The following MIB1 variants were observed in gnomAD, a reference collection of about 807,000 sequenced individuals.
The protein encoded by MIB1 is MIB E3 ubiquitin protein ligase 1, also known as E3 ubiquitin-protein ligase MIB1.
Under a neutral mutation model 124.5 loss-of-function variants are expected in MIB1, and 278 were observed. The ratio of observed to expected loss-of-function variants is 2.23; its 90% CI spans 2.02 to 2.47. The LOEUF (loss-of-function observed/expected upper bound fraction) is 2.47. MIB1 is among the 30% of genes most tolerant of loss of function. MIB1 has a pLI of 0.00. For missense variants in MIB1, 957 were observed against 1,254.4 expected, an observed-to-expected ratio of 0.76 and a Z score of 3.58; for synonymous variants, 446 against 429.4, an observed-to-expected ratio of 1.04 and a Z score of -0.48.
chr18:21,770,169 A>C (rs1246994635), intron 3 of MIB1, among the ~76,000 whole-genome samples: 1 of 152,216 alleles, frequency 6.6e-6, no homozygotes, highest in Non-Finnish European at 1.5e-5. Context: ...GTGCCACTGC[A>C]CTCCACCCTG....
Position 21,870,020 on chromosome 18 carries a change from A to G in MIB1, c.*5354A>G, listed in dbSNP as rs1051224850. On this transcript the variant is annotated 3_prime_UTR_variant, in exon 21 of 21. Coordinates refer to ENST00000261537, the MANE Select transcript of MIB1 (RefSeq NM_020774.4). Reference sequence around the variant, plus strand: ...ATTTTTTCTAATTCTTTAGCTTTCAATATTGGATTAAAGTCTTGTTTGTGA... The same window carrying G: ...ATTTTTTCTAATTCTTTAGCTTTCAGTATTGGATTAAAGTCTTGTTTGTGA... The G allele has an allele frequency of 6.6e-6, 1 of 152,496 alleles. No homozygotes were observed. Among genetic ancestry groups the G allele is most frequent in the South Asian group, 2.1e-4 (1 of 4,836 alleles). 9.4% of individuals were successfully genotyped at this position (152,496 alleles called of 1,614,324 possible).
intron 10 of MIB1, among the ~76,000 whole-genome samples, chr18:21,815,051 ATAT>A (rs1568212979): frequency 1.5e-5 from 2 of 131,092 alleles, no homozygotes; most frequent in Non-Finnish European, 3.2e-5. Flanking sequence ...ATATATATAT[ATAT>A]ATAAAATTAT....
chr18:21,735,920 T>C (rs1213430940), upstream of MIB1, among the ~76,000 whole-genome samples: 1 of 152,202 alleles, frequency 6.6e-6, no homozygotes, highest in Admixed American at 6.5e-5. Context: ...GGACAGAGTA[T>C]CTGGGGGAAG....
intron 4 of MIB1, among the ~76,000 whole-genome samples, chr18:21,776,718 T>C (rs140693287): frequency 4.7e-4 from 71 of 152,318 alleles, no homozygotes; most frequent in African/African-American, 1.7e-3. Context: ...GTGCAGTGGC[T>C]CACGCTTGTA....
chr18:21,808,215 C>G (rs2041730441), intron 10 of MIB1, among the ~76,000 whole-genome samples: 1 of 152,116 alleles, frequency 6.6e-6, no homozygotes, highest in African/African-American at 2.4e-5. Flanking sequence ...CTAGTTATCT[C>G]ATTTGGTAAC....
chr18:21,791,287 C>A, intron 6 of MIB1, 87 bp from the exon 7 acceptor site: 1 of 1,063,150 alleles, frequency 9.4e-7, no homozygotes, highest in Non-Finnish European at 1.3e-6. Context: ...AAAGGATTGC[C>A]TTACTCTTTT....
rs180704541 is a variant in MIB1, at chr18:21,760,590, A to G, written c.230-5182A>G. The stretch of plus-strand genomic sequence containing the variant: ...TTTTCCTGAGGTATTCTTTAAAACC[A>G]TGAATTATAGAATTTTTTTAACCAG... On this transcript the variant is annotated intron_variant, in intron 1 of 20. Coordinates refer to ENST00000261537, the MANE Select transcript of MIB1 (RefSeq NM_020774.4). 2.6e-5 allele frequency among the ~76,000 whole-genome samples: 4 copies of G among 152,340 alleles called. No individual in the cohort carries two copies. The East Asian group carries it at 7.7e-4, about 29-fold the overall frequency.
intron 1 of MIB1, among the ~76,000 whole-genome samples, chr18:21,711,480 A>G (rs2040665320): frequency 1.3e-5 from 2 of 151,564 alleles, no homozygotes; most frequent in South Asian, 4.2e-4. Flanking sequence ...GATGAGTTTC[A>G]CCATATTGGC....
At chr18:21,721,352 T>C (rs1308933234) in intron 1 of MIB1, among the ~76,000 whole-genome samples, 8 of 151,760 alleles carry the variant, frequency 5.3e-5, no homozygotes, top group Non-Finnish European at 1.5e-5. Flanking sequence ...AGCTAATTTT[T>C]GTATTTTTAG....
At chr18:21,764,293 G>A (rs764982639) in intron 1 of MIB1, among the ~76,000 whole-genome samples, 2 of 150,982 alleles carry the variant, frequency 1.3e-5, no homozygotes, top group Non-Finnish European at 2.9e-5. Context: ...CCTGATCCTT[G>A]CCCCTCCCCT....
In MIB1 at chr18:21,844,091, G is replaced by C. The variant is rs769200141; in HGVS notation, c.2050-1G>C. 1.2e-6 allele frequency: 2 copies of C among 1,613,408 alleles called. No individual in the cohort carries two copies. The highest frequency in any genetic ancestry group is 1.7e-6 in the Non-Finnish European group (2 of 1,179,838). ...CAAAATGAGACATCTTTCTCTTTTA[G>C]CTTTTGGTCCGTGCAGGTGCCAAGC... is the stretch of plus-strand genomic sequence containing the variant. On this transcript the variant is annotated splice_acceptor_variant, in intron 14 of 20. Coordinates refer to ENST00000261537, the MANE Select transcript of MIB1 (RefSeq NM_020774.4). LOFTEE classifies it high-confidence loss of function.
At chr18:21,721,173 T>G (rs1172941975) in intron 1 of MIB1, among the ~76,000 whole-genome samples, 28 of 104,160 alleles carry the variant, frequency 2.7e-4, no homozygotes, top group Non-Finnish European at 4.4e-4. Flanking sequence ...TTTTTTTTTT[T>G]TTTTTTTTTT....
rs1250206914 is a variant in MIB1, at chr18:21,815,787, G to A, written c.1651G>A (p.Asp551Asn). ...GHLQVVKTLL[D>N]FGCHPSLQDS... Reference sequence around the variant, plus strand: ...TCTTCAAGTTGTGAAGACTTTATTGGACTTTGGCTGTCATCCCAGTCTCCA... The same window carrying A: ...TCTTCAAGTTGTGAAGACTTTATTGAACTTTGGCTGTCATCCCAGTCTCCA... Residue 551 changes from aspartate to asparagine, a missense_variant, in exon 11 of 21, where the codon GAC (aspartate) becomes AAC (asparagine). Coordinates refer to ENST00000261537, the MANE Select transcript of MIB1 (RefSeq NM_020774.4). 6.2e-7 allele frequency: 1 copy of A among 1,613,978 alleles called. No individual in the cohort carries two copies. The highest frequency in any genetic ancestry group is 2.2e-5 in the East Asian group (1 of 44,896).
chr18:21,773,678 C>G lies in MIB1; in HGVS notation c.586C>G (p.Leu196Val), dbSNP rs746118267. The G allele has an allele frequency of 5.0e-6, 8 of 1,609,050 alleles. No individual in the cohort carries two copies. The highest frequency in any genetic ancestry group is 3.3e-5 in the South Asian group (3 of 90,050). The change falls in exon 4 of 21, where the codon CTC becomes GTC. Residue 196 changes from leucine to valine, a missense_variant. Transcript: ENST00000261537. ...ASSPHSAAYV[L>V]WDNGAKNLYR... ...AAGCCCACATAGCGCAGCATATGTC[C>G]TCTGGGATAATGGTGCTAAGAACCT... is the stretch of plus-strand genomic sequence containing the variant.
At chr18:21,763,963 C>G (rs930795498) in intron 1 of MIB1, among the ~76,000 whole-genome samples, 20 of 151,396 alleles carry the variant, frequency 1.3e-4, no homozygotes, top group African/African-American at 4.9e-4. Context: ...GAGTTAGAGT[C>G]TTAGTTGCCC....
Position 21,768,515 on chromosome 18 carries a change from G to A in MIB1, c.402-108G>A, listed in dbSNP as rs965059408. ...CTATTATGGTAGTAACCAGAACAAT[G>A]AAGAATCTTTTTACTTTCAAAATAA... On this transcript the variant is annotated intron_variant, in intron 2 of 20. Transcript: ENST00000261537. The A allele has an allele frequency of 1.0e-4, 81 of 778,584 alleles. No homozygotes were observed. The South Asian group carries it at 1.4e-3, about 13-fold the overall frequency. The allele number at this position is 778,584 out of a possible 1,614,324, so 48.2% of individuals were successfully genotyped here.
chr18:21,710,406 A>G (rs2146351933), intron 1 of MIB1, among the ~76,000 whole-genome samples: 1 of 152,116 alleles, frequency 6.6e-6, no homozygotes, highest in East Asian at 1.9e-4. Flanking sequence ...GAAATACTTT[A>G]TTGGATAAAT....
intron 1 of MIB1, among the ~76,000 whole-genome samples, chr18:21,720,722 GTAAATT>G (rs2040710620): frequency 6.6e-6 from 1 of 152,168 alleles, no homozygotes; most frequent in African/African-American, 2.4e-5. Flanking sequence ...GCTGAGAGGG[GTAAATT>G]GCTTGAGGCC....
intron 12 of MIB1, among the ~76,000 whole-genome samples, chr18:21,832,870 C>T (rs1314757727): frequency 6.6e-6 from 1 of 152,140 alleles, no homozygotes; most frequent in East Asian, 1.9e-4. Flanking sequence ...TTCTCAAGTA[C>T]CCCATTTTGT....
Sources: allele counts gnomAD v4.1 joint callset (sites outside exome capture counted in the v4.1 genomes callset), GRCh38; gene constraint gnomAD v4.1.1; transcripts MANE v1.5; gene names NCBI Gene and HGNC (gene_info 2026-07-23, HGNC 2026-07-21).